EBF2: variants seen among roughly 807,000 people sequenced by gnomAD.
The protein encoded by EBF2 is transcription factor COE2.
Under a neutral mutation model 72.8 loss-of-function variants are expected in EBF2, and 21 were observed. The observed-to-expected ratio is 0.29, with a 90% confidence interval of 0.20 to 0.42. EBF2 has a LOEUF of 0.42. Among genes scored for constraint, EBF2 ranks in the 10% least tolerant of loss-of-function variants. EBF2 has a pLI of 1.00. For missense variants in EBF2, 637 were observed against 731.2 expected (o/e 0.87, Z 1.49); for synonymous variants, 299 against 274.2 (o/e 1.09, Z -0.89).
At chr8:25,918,444 TAC>T (rs1156806257) in intron 6 of EBF2, among the ~76,000 whole-genome samples, 2 of 152,256 alleles carry the variant, frequency 1.3e-5, no homozygotes, top group Admixed American at 6.5e-5. Flanking sequence ...TTACATATAT[TAC>T]AGACTAGCCT....
At chr8:25,859,721 C>CT (rs202200790) in intron 13 of EBF2, among the ~76,000 whole-genome samples, 4,895 of 142,832 alleles carry the variant, frequency 0.034, 220 homozygotes, top group African/African-American at 0.1. Flanking sequence ...CCTGTCTAGT[C>CT]TTTTTTTTTT....
At chr8:25,928,519 T>C (rs1803426188) in intron 6 of EBF2, among the ~76,000 whole-genome samples, 1 of 152,160 alleles carries the variant, frequency 6.6e-6, no homozygotes, top group South Asian at 2.1e-4. Context: ...TTGGTTTTAT[T>C]GTCAATAGCT....
At chr8:25,917,642 A>G (rs1033919631) in intron 6 of EBF2, among the ~76,000 whole-genome samples, 3 of 152,156 alleles carry the variant, frequency 2.0e-5, no homozygotes, top group Non-Finnish European at 2.9e-5. Flanking sequence ...ATACAAATCT[A>G]TTTCCCTTGC....
At chr8:25,963,036 G>A (rs542747596) in intron 6 of EBF2, among the ~76,000 whole-genome samples, 2 of 152,314 alleles carry the variant, frequency 1.3e-5, no homozygotes, top group East Asian at 3.9e-4. Flanking sequence ...TTAGACATGG[G>A]AGTCTCCAAA....
intron 2 of EBF2, among the ~76,000 whole-genome samples, chr8:26,041,851 G>C (rs575380045): frequency 6.6e-6 from 1 of 152,148 alleles, no homozygotes; most frequent in African/African-American, 2.4e-5. Flanking sequence ...ATAACCAGGC[G>C]CTACTAAGGC....
intron 10 of EBF2, among the ~76,000 whole-genome samples, chr8:25,873,916 T>C (rs1234112543): frequency 1.3e-5 from 2 of 152,186 alleles, no homozygotes; most frequent in Non-Finnish European, 2.9e-5. Flanking sequence ...AGCAGCCCCC[T>C]ATTCTGGGGC....
chr8:25,995,903 T>C (rs6987325), intron 6 of EBF2, among the ~76,000 whole-genome samples: 29,146 of 151,946 alleles, frequency 0.19, 3,287 homozygotes, highest in Non-Finnish European at 0.25. Context: ...AATTTTAAAG[T>C]ATTAGAATTC....
At chr8:25,848,255 A>G (rs17054467) in intron 15 of EBF2, among the ~76,000 whole-genome samples, 4,837 of 152,238 alleles carry the variant, frequency 0.032, 252 homozygotes, top group African/African-American at 0.11. Context: ...GACTCTAGAA[A>G]TGAAGCTAGA....
At chr8:25,885,021 T>C (rs192846481) in intron 10 of EBF2, among the ~76,000 whole-genome samples, 326 of 152,294 alleles carry the variant, frequency 2.1e-3, no homozygotes, top group Non-Finnish European at 3.1e-3. Flanking sequence ...TACTCTTTAT[T>C]TTCTCTGTCA....
At chr8:25,935,278 T>C (rs1398975920) in intron 6 of EBF2, among the ~76,000 whole-genome samples, 1 of 152,092 alleles carries the variant, frequency 6.6e-6, no homozygotes, top group Non-Finnish European at 1.5e-5. Context: ...GAAAAGCAAG[T>C]CACTTTCAAT....
Position 25,908,326 on chromosome 8 carries a change from G to T in EBF2, c.633+148C>A, listed in dbSNP as rs140764375. 2.0e-4 allele frequency: 126 copies of T among 638,590 alleles called. No homozygotes were observed. The East Asian group carries it at 2.0e-3, about 10-fold the overall frequency. The allele number at this position is 638,590 out of a possible 1,614,324, so 39.6% of individuals were successfully genotyped here. ...GATGAAGAAACTCTCAATGCTAGTGGCTGAGGGTCATCGTTTACCATTGTC... is the reference window on the plus strand; with the variant it reads ...GATGAAGAAACTCTCAATGCTAGTGTCTGAGGGTCATCGTTTACCATTGTC... On this transcript the variant is annotated intron_variant, in intron 7 of 15. Transcript: ENST00000520164.
chr8:25,988,169 T>A (rs922364459), intron 6 of EBF2, among the ~76,000 whole-genome samples: 4 of 152,036 alleles, frequency 2.6e-5, no homozygotes, highest in African/African-American at 9.7e-5. Context: ...GTAGAGCACA[T>A]ACTCCCACCC....
chr8:25,948,646 G>A (rs764936577), intron 6 of EBF2, among the ~76,000 whole-genome samples: 16 of 152,298 alleles, frequency 1.1e-4, no homozygotes, highest in Middle Eastern at 3.4e-3. Context: ...GGCCCTTCCC[G>A]AAATGACAGA....
Position 26,044,622 on chromosome 8 carries a change from G to A in EBF2, c.131+107C>T, listed in dbSNP as rs1480638693. Reference sequence around the variant, plus strand: ...GCGCGCAGGGCCTGGGCGACAGATGGGGGGACAGGGAGAGAGAAAGGCACG... The same window carrying A: ...GCGCGCAGGGCCTGGGCGACAGATGAGGGGACAGGGAGAGAGAAAGGCACG... On this transcript the variant is annotated intron_variant, in intron 1 of 15. Transcript: ENST00000520164. The surrounding 1 kb of genome is among the most constrained non-coding windows in gnomAD (Gnocchi z 4.1). 2.7e-6 allele frequency: 4 copies of A among 1,482,748 alleles called. No homozygotes were observed. Among genetic ancestry groups the A allele is most frequent in the Non-Finnish European group, 3.6e-6 (4 of 1,097,864 alleles). 91.8% of individuals were successfully genotyped at this position (1,482,748 alleles called of 1,614,324 possible). A position where few individuals can be genotyped will look rare whatever the true frequency, so the allele number is the denominator to read the frequency against.
intron 6 of EBF2, among the ~76,000 whole-genome samples, chr8:25,948,683 G>A (rs1019483804): frequency 1.1e-4 from 17 of 152,180 alleles, no homozygotes; most frequent in African/African-American, 4.1e-4. Context: ...TAAAGTAAAG[G>A]AAACAGTGGT....
intron 6 of EBF2, among the ~76,000 whole-genome samples, chr8:26,029,779 C>T (rs923177606): frequency 4.6e-5 from 7 of 152,196 alleles, no homozygotes; most frequent in African/African-American, 1.7e-4. Context: ...ACATTGCACC[C>T]ATTTGGGGCT....
rs548115369 is a variant in EBF2 at position 26,041,733 on chromosome 8, C to T, written c.288+362G>A. 4.6e-5 allele frequency among the ~76,000 whole-genome samples: 7 copies of T among 152,340 alleles called. No individual in the cohort carries two copies. The East Asian group carries it at 1.4e-3, about 29-fold the overall frequency. On this transcript the variant is annotated intron_variant, in intron 2 of 15. Transcript: ENST00000520164. The stretch of plus-strand genomic sequence containing the variant: ...CACTTAGTGCCGCAACTCAGGCCAC[C>T]TGGCTCTCGCAGGTGCAAAATAATT...
At chr8:25,951,381 C>T (rs1014745833) in intron 6 of EBF2, among the ~76,000 whole-genome samples, 20 of 152,128 alleles carry the variant, frequency 1.3e-4, no homozygotes, top group African/African-American at 3.1e-4. Context: ...AGTCCCACAA[C>T]GTACAGTCCT....
intron 6 of EBF2, among the ~76,000 whole-genome samples, chr8:25,959,950 A>G (rs1034859941): frequency 2.0e-5 from 3 of 152,220 alleles, no homozygotes; most frequent in Non-Finnish European, 2.9e-5. Context: ...GGCATATCCA[A>G]GGGTAAACCT....
Sources: allele counts gnomAD v4.1 joint callset (sites outside exome capture counted in the v4.1 genomes callset), GRCh38; gene constraint gnomAD v4.1.1; non-coding constraint Gnocchi (gnomAD v3.1); transcripts MANE v1.5; gene names NCBI Gene and HGNC (gene_info 2026-07-23, HGNC 2026-07-21).